Variants in SETD3 observed in about 807,000 individuals in gnomAD.
SETD3 encodes the protein actin-histidine N-methyltransferase.
In SETD3, 19 loss-of-function variants were observed where a neutral mutation model predicts 63.0. That is an observed-to-expected ratio of 0.30 (90% CI 0.21 to 0.44). SETD3 has a LOEUF of 0.44. SETD3 is among the 20% of genes least tolerant of loss of function. The probability of loss-of-function intolerance (pLI) is 1.00; values close to 1 mark genes in which losing one functional copy is unlikely to be tolerated. For synonymous variants in SETD3, 286 were observed against 264.1 expected (o/e 1.08, Z -0.80); for missense variants, 587 against 728.5 (o/e 0.81, Z 2.24).
intron 6 of SETD3, among the ~76,000 whole-genome samples, chr14:99,431,523 C>T (rs1379242920): frequency 6.6e-6 from 1 of 151,788 alleles, no homozygotes; most frequent in African/African-American, 2.4e-5. Flanking sequence ...CAGAGTTTTG[C>T]TCTTGTTGCC....
chr14:99,439,676 AT>A (rs931638400), intron 6 of SETD3, among the ~76,000 whole-genome samples: 140 of 147,686 alleles, frequency 9.5e-4, no homozygotes, highest in Non-Finnish European at 1.4e-3. Flanking sequence ...TATAATACAT[AT>A]TTATATATTT....
chr14:99,475,835 A>C (rs986948011), intron 1 of SETD3, among the ~76,000 whole-genome samples: 2 of 152,196 alleles, frequency 1.3e-5, no homozygotes, highest in Non-Finnish European at 1.5e-5. Context: ...TCTAATCTCA[A>C]ACACAAAGAT....
rs1210564056 is a variant in SETD3 at position 99,412,990 on chromosome 14, C to T, written c.810G>A (p.Leu270=). The T allele has an allele frequency of 1.2e-6, 2 of 1,614,056 alleles. No homozygotes were observed. Among genetic ancestry groups the T allele is most frequent in the Admixed American group, 1.7e-5 (1 of 60,022 alleles). The part of the protein sequence containing the change: ...TEDGSRVTLA[L]IPLWDMCNHT... ...GGTTACACATATCCCATAAAGGAAT[C>T]AGAGCCAGGGTCACGCGGGAACCAT... Residue 270 remains leucine, a synonymous_variant, in exon 8 of 13, where the codon CTG becomes CTA. Coordinates refer to ENST00000331768, the MANE Select transcript of SETD3 (RefSeq NM_032233.3).
intron 6 of SETD3, among the ~76,000 whole-genome samples, chr14:99,439,492 T>C (rs1893667315): frequency 6.6e-6 from 1 of 151,982 alleles, no homozygotes; most frequent in Admixed American, 6.5e-5. Context: ...ATGTTGATTT[T>C]ATATCTCCTT....
intron 1 of SETD3, among the ~76,000 whole-genome samples, chr14:99,479,153 A>G (rs562098305): frequency 1.3e-5 from 2 of 152,340 alleles, no homozygotes; most frequent in African/African-American, 4.8e-5. Flanking sequence ...CCTTCAGACT[A>G]CAGTTCCATT....
chr14:99,447,686 T>C (rs140713638), intron 6 of SETD3, among the ~76,000 whole-genome samples: 288 of 152,324 alleles, frequency 1.9e-3, no homozygotes, highest in Middle Eastern at 0.014. Flanking sequence ...TGGACTGATG[T>C]CCTAAGTCCT....
chr14:99,477,492 C>T (rs758143995), intron 1 of SETD3, among the ~76,000 whole-genome samples: 53 of 152,062 alleles, frequency 3.5e-4, no homozygotes, highest in Admixed American at 9.8e-4. Flanking sequence ...CGGTGGCTCA[C>T]GCCTGTAATC....
intron 6 of SETD3, among the ~76,000 whole-genome samples, chr14:99,451,609 C>T (rs1032493178): frequency 2.0e-5 from 3 of 152,056 alleles, no homozygotes; most frequent in African/African-American, 7.2e-5. Context: ...TGTGTTTAAG[C>T]GATTCTCCTG....
chr14:99,403,157 G>A (rs1248353269), intron 11 of SETD3, among the ~76,000 whole-genome samples: 4 of 152,062 alleles, frequency 2.6e-5, no homozygotes, highest in African/African-American at 4.8e-5. Flanking sequence ...CTCCTGTTTC[G>A]GGACTAGGTT....
chr14:99,463,349 C>T (rs1001639092), intron 3 of SETD3, 137 bp downstream of exon 3: 5 of 617,730 alleles, frequency 8.1e-6, no homozygotes, highest in South Asian at 6.3e-5. Flanking sequence ...CTCTCTCTCC[C>T]GGTCTGCAAG....
chr14:99,480,123 C>T (rs1418186860), intron 1 of SETD3, among the ~76,000 whole-genome samples: 1 of 152,248 alleles, frequency 6.6e-6, no homozygotes, highest in Non-Finnish European at 1.5e-5. Flanking sequence ...TTCCTACGTC[C>T]GTCTTCCTAA....
chr14:99,484,515 A>C (rs1317164256), upstream of SETD3, among the ~76,000 whole-genome samples: 1 of 152,264 alleles, frequency 6.6e-6, no homozygotes, highest in Non-Finnish European at 1.5e-5. Context: ...CCTGTTTGAA[A>C]GACAATCAAT....
At chr14:99,413,225 A>G in intron 7 of SETD3, 160 bp from the exon 8 acceptor site, 1 of 586,826 alleles carries the variant, frequency 1.7e-6, no homozygotes, top group Non-Finnish European at 3.0e-6. Flanking sequence ...ATTTAAAAAC[A>G]AACCCAGGGT....
intron 6 of SETD3, among the ~76,000 whole-genome samples, chr14:99,423,167 G>C (rs139429871): frequency 6.6e-6 from 1 of 152,284 alleles, no homozygotes; most frequent in South Asian, 2.1e-4. Flanking sequence ...CTTTCAGAGG[G>C]AAGTAACAAA....
At chr14:99,426,357 G>C (rs1051671951) in intron 6 of SETD3, among the ~76,000 whole-genome samples, 1 of 152,226 alleles carries the variant, frequency 6.6e-6, no homozygotes, top group African/African-American at 2.4e-5. Context: ...TGGAAAAGCA[G>C]GGAGCAAGAC....
upstream of SETD3, among the ~76,000 whole-genome samples, chr14:99,483,635 T>C (rs952183575): frequency 1.3e-5 from 2 of 152,244 alleles, no homozygotes; most frequent in African/African-American, 4.8e-5. Context: ...GGACATAAGT[T>C]CATTTAAGTT....
At position 99,414,376 on chromosome 14, in the gene SETD3, A is replaced by G. The variant is rs1256099583; in HGVS notation, c.676-442T>C. On this transcript the variant is annotated intron_variant, in intron 6 of 12. Coordinates refer to ENST00000331768, the MANE Select transcript of SETD3 (RefSeq NM_032233.3). ...GTTCAAATCCCATGTCAACAAAAGG[A>G]AAAATTAAAGGCACTCTAATCGGTT... Among the ~76,000 whole-genome samples, 4 of 152,272 alleles carry G rather than the reference A, an allele frequency of 2.6e-5. No individual in the cohort carries two copies. In the East Asian group the frequency reaches 7.7e-4, roughly 29 times the overall value.
At chr14:99,447,499 T>C (rs1208495463) in intron 6 of SETD3, among the ~76,000 whole-genome samples, 2 of 152,194 alleles carry the variant, frequency 1.3e-5, no homozygotes, top group Admixed American at 6.5e-5. Context: ...ATTTACAAAA[T>C]TGGAAACCTT....
intron 6 of SETD3, among the ~76,000 whole-genome samples, chr14:99,420,980 G>GGGGC (rs1566694441): frequency 2.5e-5 from 1 of 40,154 alleles, no homozygotes; most frequent in African/African-American, 9.1e-5. Context: ...GGGGGGGTGG[G>GGGGC]AGGTGCAGAC....
Sources: allele counts gnomAD v4.1 joint callset (sites outside exome capture counted in the v4.1 genomes callset), GRCh38; gene constraint gnomAD v4.1.1; transcripts MANE v1.5; gene names NCBI Gene and HGNC (gene_info 2026-07-23, HGNC 2026-07-21).